ASXL3: variants seen among roughly 807,000 people sequenced by gnomAD.
ASXL3 encodes the protein putative Polycomb group protein ASXL3.
Under a neutral mutation model 170.6 loss-of-function variants are expected in ASXL3, and 34 were observed. That is an observed-to-expected ratio of 0.20 (90% CI 0.15 to 0.27). ASXL3 has a LOEUF of 0.27. ASXL3 is among the 10% of genes least tolerant of loss of function. The pLI is 1.00. For missense variants in ASXL3, 2,592 were observed against 2,695.3 expected, an observed-to-expected ratio of 0.96 and a Z score of 0.85; for synonymous variants, 1,002 against 989.1, an observed-to-expected ratio of 1.01 and a Z score of -0.24.
chr18:33,605,420 TTC>T (rs2145120022), intron 1 of ASXL3: 1 of 152,258 alleles, frequency 6.6e-6, no homozygotes, highest in South Asian at 2.1e-4. Flanking sequence ...CTTCTCTCTG[TTC>T]TCTGTCTTGC....
rs995373355 is a variant in ASXL3, at chr18:33,597,807, CAAAA to C, written c.55-9782_55-9779del. 1.1e-4 allele frequency among the ~76,000 whole-genome samples: 15 copies of C among 137,810 alleles called. 1 individual carries two copies. In the South Asian group the frequency reaches 2.0e-3, roughly 19 times the overall value. 90.4% of individuals were successfully genotyped at this position (137,810 alleles called of 152,430 possible). On this transcript the variant is annotated intron_variant, in intron 1 of 11. Coordinates refer to ENST00000269197, the MANE Select transcript of ASXL3 (RefSeq NM_030632.3). ...TCTCTCATCTACAAAAAAAAAAAAA[CAAAA>C]AAAACAAAAAACAAACAAAACAAAT...
Position 33,658,163 on chromosome 18 carries a change from A to G in ASXL3, c.356-3453A>G, listed in dbSNP as rs1190589073. Among the ~76,000 whole-genome samples, 4 of 152,150 alleles carry G rather than the reference A, an allele frequency of 2.6e-5. No individual in the cohort carries two copies. In the South Asian group the frequency reaches 6.2e-4, roughly 24 times the overall value. ...GGCTCCTGTTGTAATTTTACATGCA[A>G]GGGATTTTCCCTGATCCTTTCTTTA... On this transcript the variant is annotated intron_variant, in intron 4 of 11. Coordinates refer to ENST00000269197, the MANE Select transcript of ASXL3 (RefSeq NM_030632.3).
intron 2 of ASXL3, among the ~76,000 whole-genome samples, chr18:33,642,394 A>T (rs562957377): frequency 3.3e-5 from 5 of 151,936 alleles, no homozygotes; most frequent in South Asian, 2.1e-4. Context: ...TTGTTTTTTT[A>T]AAAAAACGGA....
chr18:33,727,612 T>G (rs972563930), intron 8 of ASXL3, among the ~76,000 whole-genome samples: 4 of 152,208 alleles, frequency 2.6e-5, no homozygotes, highest in Non-Finnish European at 5.9e-5. Context: ...ATAGGAACTA[T>G]AACTTATCAA....
chr18:33,642,085 T>G (rs961303909), intron 2 of ASXL3, among the ~76,000 whole-genome samples: 1 of 151,948 alleles, frequency 6.6e-6, no homozygotes, highest in Non-Finnish European at 1.5e-5. Flanking sequence ...TTAATCATTA[T>G]GTTTAAGATA....
intron 1 of ASXL3, among the ~76,000 whole-genome samples, chr18:33,604,473 A>G (rs2065222390): frequency 6.6e-6 from 1 of 152,028 alleles, no homozygotes; most frequent in African/African-American, 2.4e-5. Flanking sequence ...ATAATTAGAA[A>G]CTTAAGAAGG....
rs946307734 is a variant in ASXL3 at position 33,607,818 on chromosome 18, G to T, written c.137+142G>T. ...ACAAATTCTTTCTAATTAAGAAATCGTTGGATGATTTAAGATTTCCTTGGA... is the reference window on the plus strand; with the variant it reads ...ACAAATTCTTTCTAATTAAGAAATCTTTGGATGATTTAAGATTTCCTTGGA... On this transcript the variant is annotated intron_variant, in intron 2 of 11. Coordinates refer to ENST00000269197, the MANE Select transcript of ASXL3 (RefSeq NM_030632.3). 2.6e-5 allele frequency: 18 copies of T among 699,834 alleles called. No homozygotes were observed. The Admixed American group carries it at 5.2e-4, about 20-fold the overall frequency. 43.4% of individuals were successfully genotyped at this position (699,834 alleles called of 1,614,324 possible). A position where few individuals can be genotyped will look rare whatever the true frequency, so the allele number is the denominator to read the frequency against.
chr18:33,615,168 C>T (rs2065403486), intron 2 of ASXL3, among the ~76,000 whole-genome samples: 1 of 152,110 alleles, frequency 6.6e-6, no homozygotes, highest in African/African-American at 2.4e-5. Flanking sequence ...TTCATATAGC[C>T]ACCTTTGTCA....
At position 33,749,347 on chromosome 18, in the gene ASXL3, G is replaced by C. The variant is rs1451954474; in HGVS notation, c.*2752G>C. 1.3e-5 allele frequency: 2 copies of C among 151,998 alleles called. No individual in the cohort carries two copies. Among genetic ancestry groups the C allele is most frequent in the Non-Finnish European group, 2.9e-5 (2 of 68,012 alleles). The allele number at this position is 151,998 out of a possible 1,614,324, so 9.4% of individuals were successfully genotyped here. ...TATTATTTACTACATGGTTATTGTG[G>C]TGTAGTGTGCAAATGTTAGCATGTG... On this transcript the variant is annotated 3_prime_UTR_variant, in exon 12 of 12. Coordinates refer to ENST00000269197, the MANE Select transcript of ASXL3 (RefSeq NM_030632.3).
intron 1 of ASXL3, among the ~76,000 whole-genome samples, chr18:33,588,653 A>C (rs2145095002): frequency 6.6e-6 from 1 of 152,258 alleles, no homozygotes; most frequent in South Asian, 2.1e-4. Flanking sequence ...ATACACATTC[A>C]GGAGAATCAA....
rs759428492 is a variant in ASXL3, at chr18:33,745,753, C to G, written c.5905C>G (p.Gln1969Glu). The change falls in exon 12 of 12, where the codon CAG becomes GAG. Residue 1969 changes from glutamine (Q) to glutamate (E), a missense_variant. Gln to Glu is a conservative substitution (Grantham distance 29). Coordinates refer to ENST00000269197, the MANE Select transcript of ASXL3 (RefSeq NM_030632.3). Reference protein sequence around the residue: ...NAFAFNRHLEQKGLGEVSLSS... With the variant: ...NAFAFNRHLEEKGLGEVSLSS... ...ATTTGCCTTCAACAGGCATCTTGAA[C>G]AGAAGGGATTGGGAGAGGTTAGTCT... 1.9e-6 allele frequency: 3 copies of G among 1,613,880 alleles called. No individual in the cohort carries two copies. Among genetic ancestry groups the G allele is most frequent in the African/African-American group, 2.7e-5 (2 of 74,920 alleles).
intron 2 of ASXL3, among the ~76,000 whole-genome samples, chr18:33,636,798 A>AT (rs923403702): frequency 1.3e-5 from 2 of 151,984 alleles, no homozygotes; most frequent in African/African-American, 4.8e-5. Context: ...TGGATTTTGG[A>AT]TTTTTTTAAA....
At chr18:33,634,396 C>T (rs1346963407) in intron 2 of ASXL3, among the ~76,000 whole-genome samples, 2 of 151,194 alleles carry the variant, frequency 1.3e-5, no homozygotes, top group Non-Finnish European at 2.9e-5. Flanking sequence ...TCTTTCTCCT[C>T]AGAAGCAGTG....
intron 4 of ASXL3, among the ~76,000 whole-genome samples, chr18:33,647,474 G>A (rs2065933151): frequency 6.6e-6 from 1 of 152,022 alleles, no homozygotes; most frequent in Non-Finnish European, 1.5e-5. Context: ...CCCCCCAATT[G>A]TTGTGGTAAT....
At chr18:33,714,835 A>G (rs1342438382) in intron 8 of ASXL3, among the ~76,000 whole-genome samples, 1 of 152,002 alleles carries the variant, frequency 6.6e-6, no homozygotes, top group East Asian at 1.9e-4. Flanking sequence ...TTTTGTTTAA[A>G]TTGGCTTATT....
In ASXL3 at chr18:33,743,270, A is replaced by G; in HGVS notation, c.3422A>G (p.Asn1141Ser). 1 of 1,613,882 alleles carries G rather than the reference A, an allele frequency of 6.2e-7. No homozygotes were observed. Among genetic ancestry groups the G allele is most frequent in the Non-Finnish European group, 8.5e-7 (1 of 1,179,822 alleles). Reference sequence around the variant, plus strand: ...CTCAGCTCAAAGGAAGGGCCTCCAAACTTAGAAGTCTCTTCTACCCCTGAA... The same window carrying G: ...CTCAGCTCAAAGGAAGGGCCTCCAAGCTTAGAAGTCTCTTCTACCCCTGAA... ...PPLSSKEGPP[N>S]LEVSSTPETK... The change falls in exon 12 of 12, where the codon AAC (asparagine) becomes AGC (serine). Residue 1141 changes from asparagine to serine, a missense_variant. Asn to Ser is a conservative substitution (Grantham distance 46). Coordinates refer to ENST00000269197, the MANE Select transcript of ASXL3 (RefSeq NM_030632.3).
intron 2 of ASXL3, among the ~76,000 whole-genome samples, chr18:33,617,740 A>G (rs980849674): frequency 6.6e-6 from 1 of 152,172 alleles, no homozygotes; most frequent in African/African-American, 2.4e-5. Context: ...CAGTGATTTC[A>G]GCTTTATCAA....
chr18:33,661,578 T>C, intron 4 of ASXL3, 38 bp from the exon 5 acceptor site: 2 of 1,565,520 alleles, frequency 1.3e-6, no homozygotes, highest in Non-Finnish European at 1.7e-6. Flanking sequence ...AAAAAAGGAA[T>C]TCAAATTAGT....
chr18:33,628,909 C>T (rs1219201105), intron 2 of ASXL3, among the ~76,000 whole-genome samples: 4 of 152,058 alleles, frequency 2.6e-5, no homozygotes, highest in African/African-American at 9.7e-5. Context: ...TTCATACTAG[C>T]AGTTTTCATT....
Sources: allele counts gnomAD v4.1 joint callset (sites outside exome capture counted in the v4.1 genomes callset), GRCh38; gene constraint gnomAD v4.1.1; transcripts MANE v1.5; gene names NCBI Gene and HGNC (gene_info 2026-07-23, HGNC 2026-07-21).